PDE1A: variants seen among roughly 807,000 people sequenced by gnomAD.
PDE1A encodes phosphodiesterase 1A.
PDE1A carries 35 observed loss-of-function variants against 61.7 expected under a neutral mutation model. The observed-to-expected ratio is 0.57, with a 90% CI of 0.43 to 0.75. The LOEUF (loss-of-function observed/expected upper bound fraction) is 0.75. Among genes scored for constraint, PDE1A ranks in the 30% least tolerant of loss-of-function variants. The pLI, the probability that PDE1A is intolerant of heterozygous loss-of-function variation, is 0.00. For synonymous variants in PDE1A, 232 were observed against 213.2 expected (o/e 1.09, Z -0.77); for missense variants, 597 against 630.6 (o/e 0.95, Z 0.57).
intron 7 of PDE1A, among the ~76,000 whole-genome samples, chr2:182,210,469 T>TAA (rs1033858709): frequency 6.6e-6 from 1 of 152,230 alleles, no homozygotes; most frequent in African/African-American, 2.4e-5. Context: ...GAGTGACTGG[T>TAA]AAAGTTTTTG....
intron 1 of PDE1A, among the ~76,000 whole-genome samples, chr2:182,394,767 G>A (rs1469067095): frequency 1.3e-5 from 2 of 152,178 alleles, no homozygotes; most frequent in African/African-American, 4.8e-5. Context: ...CTTAGCTGCT[G>A]GCTAAATCCC....
Position 182,257,433 on chromosome 2 carries a change from A to T in PDE1A, c.167+6868T>A, listed in dbSNP as rs1051364587. On this transcript the variant is annotated intron_variant, in intron 2 of 13. Coordinates refer to ENST00000351439, the Ensembl canonical transcript of PDE1A. ...AGACTAATTCTTTTGTTTTATAAAA[A>T]ATACTTTGAATAGGTCTTTTAGTTA... Among the ~76,000 whole-genome samples, 8 of 152,322 alleles carry T rather than the reference A, an allele frequency of 5.3e-5. No homozygotes were observed. In the East Asian group the frequency reaches 1.5e-3, roughly 29 times the overall value.
chr2:182,246,342 G>A (rs1690943410), intron 2 of PDE1A, among the ~76,000 whole-genome samples: 1 of 150,512 alleles, frequency 6.6e-6, no homozygotes, highest in South Asian at 2.1e-4. Flanking sequence ...GCCCCCAATA[G>A]TAAGCATTTT....
the PDE1A span, among the ~76,000 whole-genome samples, chr2:182,540,485 T>C: frequency 6.6e-6 from 1 of 151,990 alleles, no homozygotes; most frequent in African/African-American, 2.4e-5. Context: ...GGGAAGCTAT[T>C]TTGCAAGGGA....
chr2:182,704,211 G>GAAAAAA, the PDE1A span, among the ~76,000 whole-genome samples: 1 of 120,200 alleles, frequency 8.3e-6, no homozygotes, highest in Non-Finnish European at 1.7e-5. Context: ...ACTCCGTCTG[G>GAAAAAA]AAAAAAAAAA....
At chr2:182,685,458 CTT>C in the PDE1A span, among the ~76,000 whole-genome samples, 1 of 152,120 alleles carries the variant, frequency 6.6e-6, no homozygotes, top group African/African-American at 2.4e-5. Flanking sequence ...ACAACATTGA[CTT>C]TGGAGTCATA....
chr2:182,427,138 C>A, upstream of PDE1A: 1 of 316,626 alleles, frequency 3.2e-6, no homozygotes, highest in Non-Finnish European at 4.6e-6. Context: ...ATGTGAGTAC[C>A]CTCTGAAAGT....
chr2:182,437,478 A>C (rs1431522840), intron 2 of PDE1A, among the ~76,000 whole-genome samples: 1 of 151,944 alleles, frequency 6.6e-6, no homozygotes, highest in Non-Finnish European at 1.5e-5. Context: ...AGAGTTACCT[A>C]TGAAATTACC....
intron 2 of PDE1A, among the ~76,000 whole-genome samples, chr2:182,447,532 T>G (rs1685224265): frequency 6.6e-6 from 1 of 152,070 alleles, no homozygotes; most frequent in Non-Finnish European, 1.5e-5. Context: ...GTCCTCACAC[T>G]TCCCAGTAAG....
At chr2:182,229,911 C>A in intron 6 of PDE1A, 95 bp downstream of exon 6, 1 of 844,986 alleles carries the variant, frequency 1.2e-6, no homozygotes, top group Non-Finnish European at 1.8e-6. Flanking sequence ...ACTTAGAATA[C>A]CTCTATGGGC....
the PDE1A span, among the ~76,000 whole-genome samples, chr2:182,545,349 C>T: frequency 1.3e-5 from 2 of 152,204 alleles, no homozygotes; most frequent in Admixed American, 1.3e-4. Flanking sequence ...CACACTCAAG[C>T]ACTAGGAATA....
At chr2:182,476,879 T>C (rs918072572) in intron 2 of PDE1A, among the ~76,000 whole-genome samples, 3 of 146,210 alleles carry the variant, frequency 2.1e-5, no homozygotes, top group African/African-American at 7.5e-5. Context: ...ATTTTTTACA[T>C]GGCTAAGGTT....
chr2:182,679,978 T>C, the PDE1A span, among the ~76,000 whole-genome samples: 1 of 152,276 alleles, frequency 6.6e-6, no homozygotes, highest in Admixed American at 6.5e-5. Context: ...TAAAATAATA[T>C]GGCATTGGCA....
the PDE1A span, among the ~76,000 whole-genome samples, chr2:182,589,441 T>C: frequency 1.3e-5 from 2 of 152,048 alleles, no homozygotes; most frequent in African/African-American, 2.4e-5. Flanking sequence ...TGAATGAATA[T>C]AATAATACCC....
At chr2:182,208,442 C>G (rs982691099) in intron 7 of PDE1A, among the ~76,000 whole-genome samples, 13 of 152,278 alleles carry the variant, frequency 8.5e-5, no homozygotes, top group African/African-American at 3.1e-4. Context: ...ATGGGAGAAG[C>G]TGTCCCTATG....
At chr2:182,573,948 TATATATATTTA>T in the PDE1A span, among the ~76,000 whole-genome samples, 6 of 126,262 alleles carry the variant, frequency 4.8e-5, no homozygotes, top group African/African-American at 2.0e-4. Flanking sequence ...ATTTATATAT[TATATATATTTA>T]TATATTTTTT....
At chr2:182,702,049 T>C in the PDE1A span, among the ~76,000 whole-genome samples, 1 of 152,216 alleles carries the variant, frequency 6.6e-6, no homozygotes, top group Non-Finnish European at 1.5e-5. Flanking sequence ...AGATTAAAAT[T>C]GTGAGAAAAA....
At chr2:182,424,711 A>T (rs1463165239) in intron 1 of PDE1A, among the ~76,000 whole-genome samples, 1 of 152,190 alleles carries the variant, frequency 6.6e-6, no homozygotes, top group African/African-American at 2.4e-5. Context: ...AATTAAGCCT[A>T]GTTATTTGAA....
rs1329659678 is a variant in PDE1A, at chr2:182,495,552, T to C, written c.101+26724A>G. On this transcript the variant is annotated intron_variant, in intron 2 of 14. Coordinates refer to the PDE1A transcript ENST00000410103. ...CAATCAGTGATTTTTAACGCTGTGA[T>C]TTGTTTGCTAACATTTTTAAATCAA... Among the ~76,000 whole-genome samples, 4 of 152,220 alleles carry C rather than the reference T, an allele frequency of 2.6e-5. No individual in the cohort carries two copies. In the South Asian group the frequency reaches 6.2e-4, roughly 24 times the overall value.
Sources: gnomAD v4.1 joint callset for allele counts (sites outside exome capture counted in the v4.1 genomes callset) on GRCh38, gnomAD v4.1.1 for gene constraint, MANE v1.5 for transcripts, NCBI Gene and HGNC (gene_info 2026-07-23, HGNC 2026-07-21) for gene names.